Variants in LAMA1 observed in about 807,000 individuals in gnomAD.
LAMA1 encodes laminin subunit alpha 1.
In LAMA1, 219 loss-of-function variants were observed where a neutral mutation model predicts 348.7. The ratio of observed to expected loss-of-function variants is 0.63; its 90% CI spans 0.56 to 0.70. The LOEUF (loss-of-function observed/expected upper bound fraction) is 0.70, where lower values mean the gene tolerates loss of function less well. Ranked by LOEUF, LAMA1 falls within the 30% of genes least tolerant of loss-of-function variation. The pLI is 0.00. For synonymous variants in LAMA1, 1,487 were observed against 1,491.0 expected (o/e 1.00, Z 0.06); for missense variants, 3,744 against 3,888.0 (o/e 0.96, Z 0.99).
chr18:7,098,728 GC>G (rs540089633), intron 1 of LAMA1, among the ~76,000 whole-genome samples: 9 of 144,508 alleles, frequency 6.2e-5, no homozygotes, highest in African/African-American at 1.8e-4. Context: ...GGGGGGGTCA[GC>G]CCCCCGCCCG....
At chr18:7,099,649 A>G (rs72889730) in intron 1 of LAMA1, among the ~76,000 whole-genome samples, 3,024 of 152,128 alleles carry the variant, frequency 0.02, 68 homozygotes, top group African/African-American at 0.053. Context: ...TGACACCAAA[A>G]GAATAACCCA....
intron 5 of LAMA1, 40 bp downstream of exon 5, chr18:7,049,038 C>A (rs1458180075): frequency 6.4e-6 from 10 of 1,567,772 alleles, no homozygotes; most frequent in African/African-American, 5.4e-5. Flanking sequence ...TAAAATGAAT[C>A]TTTTTATTTT....
At chr18:7,076,572 A>AT (rs1568057470) in intron 3 of LAMA1, among the ~76,000 whole-genome samples, 3 of 151,882 alleles carry the variant, frequency 2.0e-5, no homozygotes, top group South Asian at 2.1e-4. Flanking sequence ...ATTCAATAGC[A>AT]TTTTTTTTAA....
intron 19 of LAMA1, among the ~76,000 whole-genome samples, chr18:7,022,321 C>A (rs1394418046): frequency 6.6e-6 from 1 of 152,174 alleles, no homozygotes; most frequent in Non-Finnish European, 1.5e-5. Flanking sequence ...TTCTACAAAT[C>A]GTGAAGCCTT....
chr18:6,973,242 A>G (rs1179670659), intron 46 of LAMA1, 35 bp from the exon 47 acceptor site: 5 of 1,605,018 alleles, frequency 3.1e-6, no homozygotes, highest in Non-Finnish European at 1.7e-6. Flanking sequence ...AGAAATTTTC[A>G]GAATTTCCAG....
At chr18:6,994,049 G>T (rs1376741990) in intron 34 of LAMA1, among the ~76,000 whole-genome samples, 1 of 152,178 alleles carries the variant, frequency 6.6e-6, no homozygotes, top group Non-Finnish European at 1.5e-5. Context: ...GCTATACTGT[G>T]AGGGCCCTCG....
intron 61 of LAMA1, among the ~76,000 whole-genome samples, chr18:6,946,633 C>T (rs2057523003): frequency 6.6e-6 from 1 of 152,030 alleles, no homozygotes. Flanking sequence ...GCAGGAGAAT[C>T]ACTTGGACCT....
Position 7,028,693 on chromosome 18 carries a change from T to C in LAMA1, c.2275-2587A>G, listed in dbSNP as rs549953287. Among the ~76,000 whole-genome samples the C allele has an allele frequency of 3.3e-5, 5 of 152,270 alleles. No individual in the cohort carries two copies. In the South Asian group the frequency reaches 8.3e-4, roughly 25 times the overall value. On this transcript the variant is annotated intron_variant, in intron 16 of 62. Coordinates refer to ENST00000389658, the MANE Select transcript of LAMA1 (RefSeq NM_005559.4). ...AAGAGCACTGGAAATGGTACATACA[T>C]GAAAAAATATGAAAAACCTTCCCCC...
At chr18:6,956,786 G>A (rs2057580953) in intron 55 of LAMA1, 21 bp from the exon 56 acceptor site, 2 of 1,613,932 alleles carry the variant, frequency 1.2e-6, no homozygotes, top group Non-Finnish European at 1.7e-6. Flanking sequence ...ACAAGAGAGT[G>A]TTTTCAAAAT....
chr18:7,096,340 A>G (rs560702916), intron 1 of LAMA1, among the ~76,000 whole-genome samples: 1 of 152,338 alleles, frequency 6.6e-6, no homozygotes, highest in Non-Finnish European at 1.5e-5. Flanking sequence ...ATGGAAACAG[A>G]TTTCCACTGG....
intron 39 of LAMA1, among the ~76,000 whole-genome samples, chr18:6,984,679 T>C (rs1324316732): frequency 1.3e-5 from 2 of 152,188 alleles, no homozygotes; most frequent in African/African-American, 4.8e-5. Context: ...TGAGTACATA[T>C]TTTTTAAATA....
chr18:6,982,384 A>T (rs1171041553), intron 41 of LAMA1, 113 bp downstream of exon 41: 1 of 881,726 alleles, frequency 1.1e-6, no homozygotes, highest in African/African-American at 1.6e-5. Context: ...TAAATGGGAC[A>T]CAGAAATGCT....
chr18:7,008,659 C>G, intron 27 of LAMA1, 51 bp from the exon 28 acceptor site: 1 of 1,606,930 alleles, frequency 6.2e-7, no homozygotes. Flanking sequence ...GAAAAACTTT[C>G]TAGAAACATA....
At chr18:7,061,476 C>T (rs2058101695) in intron 3 of LAMA1, among the ~76,000 whole-genome samples, 1 of 152,176 alleles carries the variant, frequency 6.6e-6, no homozygotes, top group Non-Finnish European at 1.5e-5. Context: ...AGGCCATTCT[C>T]AGACCTAAGA....
chr18:6,993,491 G>A, intron 35 of LAMA1, 150 bp downstream of exon 35: 2 of 702,718 alleles, frequency 2.8e-6, no homozygotes, highest in Non-Finnish European at 5.2e-6. Flanking sequence ...ACTAAAGTTT[G>A]CACATCTCAG....
chr18:6,958,165 A>C (rs2057589218), intron 55 of LAMA1, among the ~76,000 whole-genome samples: 1 of 152,240 alleles, frequency 6.6e-6, no homozygotes, highest in Non-Finnish European at 1.5e-5. Flanking sequence ...CAAGAGACTT[A>C]CATCACAAAA....
rs1054948060 is a variant in LAMA1, at chr18:7,023,193, C to G, written c.2672G>C (p.Gly891Ala). ...GCAGTTCTTGGCTGTCACAGCGTCC[C>G]CATAGAACCCGTCAGCACACCTTTC... ...HCERCADGFY[G>A]DAVTAKNCRA... The change falls in exon 19 of 63, where the codon GGG becomes GCG. Residue 891 changes from glycine (G) to alanine (A), a missense_variant. This residue lies in a region of LAMA1 where 1,529 missense variants were observed against 1,689.4 expected (regional missense o/e 0.91). Transcript: ENST00000389658. 15 of 1,613,112 alleles carry G rather than the reference C, an allele frequency of 9.3e-6. No individual in the cohort carries two copies. The highest frequency in any genetic ancestry group is 1.3e-5 in the Non-Finnish European group (15 of 1,179,958).
At chr18:6,951,696 C>G (rs145540677) in intron 57 of LAMA1, among the ~76,000 whole-genome samples, 1 of 152,132 alleles carries the variant, frequency 6.6e-6, no homozygotes, top group African/African-American at 2.4e-5. Flanking sequence ...GCAGCTGTTA[C>G]GACAGCCAAC....
chr18:7,036,075 C>T lies in LAMA1; in HGVS notation c.1751G>A (p.Gly584Asp). ...AYLGNKLTAF[G>D]GFLKYTVSYD... ...GGACACCGTGTATTTCAGGAATCCG[C>T]CAAACGCAGTCAGCTGAAATGTTTA... is the stretch of plus-strand genomic sequence containing the variant. Residue 584 changes from glycine (G) to aspartate (D), a missense_variant, in exon 13 of 63, where the codon GGC becomes GAC. Physicochemically the swap from Gly to Asp is moderately conservative, Grantham distance 94 (BLOSUM62 -1). Transcript: ENST00000389658. 1 of 1,613,690 alleles carries T rather than the reference C, an allele frequency of 6.2e-7. No homozygotes were observed. Among genetic ancestry groups the T allele is most frequent in the Non-Finnish European group, 8.5e-7 (1 of 1,179,590 alleles).
Sources: gnomAD v4.1 joint callset for allele counts (sites outside exome capture counted in the v4.1 genomes callset) on GRCh38, gnomAD v4.1.1 for gene constraint, gnomAD v4.1.1 regional missense constraint, MANE v1.5 for transcripts, NCBI Gene and HGNC (gene_info 2026-07-23, HGNC 2026-07-21) for gene names.